Variants in HS6ST3 observed in about 807,000 individuals in gnomAD.
HS6ST3 encodes the protein heparan-sulfate 6-O-sulfotransferase 3.
Under a neutral mutation model 36.7 loss-of-function variants are expected in HS6ST3, and 12 were observed. That is an observed-to-expected ratio of 0.33 (90% CI 0.21 to 0.53). HS6ST3 has a LOEUF of 0.53. Ranked by LOEUF, HS6ST3 falls within the 20% of genes least tolerant of loss-of-function variation. The probability of loss-of-function intolerance (pLI) is 0.95; values close to 1 mark genes in which losing one functional copy is unlikely to be tolerated. For synonymous variants in HS6ST3, 240 were observed against 257.5 expected (o/e 0.93, Z 0.65); for missense variants, 584 against 640.9 (o/e 0.91, Z 0.96).
intron 1 of HS6ST3, among the ~76,000 whole-genome samples, chr13:96,131,031 G>T (rs191701793): frequency 6.6e-6 from 1 of 152,104 alleles, no homozygotes; most frequent in Non-Finnish European, 1.5e-5. Context: ...GAGGGCCAGG[G>T]GGTGTCAGGG....
intron 1 of HS6ST3, among the ~76,000 whole-genome samples, chr13:96,183,901 A>G (rs2054252272): frequency 6.6e-6 from 1 of 152,146 alleles, no homozygotes. Context: ...AATTTTTTAC[A>G]CTTAGAAACG....
chr13:96,351,375 G>T (rs1594760232), intron 1 of HS6ST3, among the ~76,000 whole-genome samples: 2 of 149,564 alleles, frequency 1.3e-5, no homozygotes, highest in East Asian at 2.0e-4. Context: ...AGGCTGGAGT[G>T]CAGTGGCATG....
chr13:96,114,589 C>T (rs1035814070), intron 1 of HS6ST3, among the ~76,000 whole-genome samples: 10 of 152,212 alleles, frequency 6.6e-5, no homozygotes, highest in African/African-American at 1.4e-4. Context: ...TGCTCATCTA[C>T]GAAACAGGGA....
At chr13:96,635,446 C>A (rs762961499) in intron 1 of HS6ST3, among the ~76,000 whole-genome samples, 2 of 152,028 alleles carry the variant, frequency 1.3e-5, no homozygotes, top group Non-Finnish European at 2.9e-5. Context: ...ACCCACCCCC[C>A]TCTTCACTAA....
Position 96,757,749 on chromosome 13 carries a change from T to A in HS6ST3, c.708-74741T>A, listed in dbSNP as rs188481347. Among the ~76,000 whole-genome samples, 536 of 152,282 alleles carry A rather than the reference T, an allele frequency of 3.5e-3. 1 individual carries two copies. The highest frequency in any genetic ancestry group is 8.4e-3 in the African/African-American group (351 of 41,566). ...GCTCATGTAATTTTTCTCCTTTTTT[T>A]AATGAATATAGTGAATTACATTGAT... is the stretch of plus-strand genomic sequence containing the variant. On this transcript the variant is annotated intron_variant, in intron 1 of 1. Coordinates refer to ENST00000376705, the MANE Select transcript of HS6ST3 (RefSeq NM_153456.4).
intron 1 of HS6ST3, among the ~76,000 whole-genome samples, chr13:96,441,080 C>T (rs911519435): frequency 6.6e-6 from 1 of 152,108 alleles, no homozygotes; most frequent in Non-Finnish European, 1.5e-5. Context: ...TCTCCCTCCA[C>T]CATATGCAGA....
chr13:96,481,694 A>G (rs1594789982), intron 1 of HS6ST3, among the ~76,000 whole-genome samples: 1 of 152,146 alleles, frequency 6.6e-6, no homozygotes, highest in African/African-American at 2.4e-5. Flanking sequence ...ACTTTGGGCA[A>G]CTTGCAGCCT....
intron 1 of HS6ST3, among the ~76,000 whole-genome samples, chr13:96,726,570 T>G (rs1876010675): frequency 6.6e-6 from 1 of 152,228 alleles, no homozygotes; most frequent in African/African-American, 2.4e-5. Context: ...TATATAACCT[T>G]ACTAAACTAA....
chr13:96,497,034 G>A (rs1376851188), intron 1 of HS6ST3, among the ~76,000 whole-genome samples: 6 of 152,168 alleles, frequency 3.9e-5, no homozygotes, highest in Non-Finnish European at 8.8e-5. Context: ...TGATATAGCA[G>A]GTGGGACAAG....
At chr13:96,288,312 A>G (rs575800519) in intron 1 of HS6ST3, among the ~76,000 whole-genome samples, 2 of 152,306 alleles carry the variant, frequency 1.3e-5, no homozygotes, top group African/African-American at 4.8e-5. Flanking sequence ...ACAAATTATT[A>G]AAAACTCTTG....
intron 1 of HS6ST3, among the ~76,000 whole-genome samples, chr13:96,139,921 G>C (rs2054022477): frequency 6.6e-6 from 1 of 151,990 alleles, no homozygotes; most frequent in Non-Finnish European, 1.5e-5. Context: ...AAACAACATG[G>C]GTTTGAACTG....
At chr13:96,153,134 C>T (rs1335509797) in intron 1 of HS6ST3, among the ~76,000 whole-genome samples, 4 of 152,132 alleles carry the variant, frequency 2.6e-5, no homozygotes, top group Non-Finnish European at 5.9e-5. Context: ...ACACACACAC[C>T]TACATCTCCA....
chr13:96,360,887 A>G lies in HS6ST3; in HGVS notation c.707+269318A>G, dbSNP rs1018673175. ...ATTGAACTTGGGAGGCGGAGGTTGCAGTAAGCTGAGATCTTGCCACTGTAC... is the reference window on the plus strand; with the variant it reads ...ATTGAACTTGGGAGGCGGAGGTTGCGGTAAGCTGAGATCTTGCCACTGTAC... On this transcript the variant is annotated intron_variant, in intron 1 of 1. Coordinates refer to ENST00000376705, the MANE Select transcript of HS6ST3 (RefSeq NM_153456.4). 7.3e-5 allele frequency among the ~76,000 whole-genome samples: 11 copies of G among 150,960 alleles called. No individual in the cohort carries two copies. The East Asian group carries it at 2.0e-3, about 27-fold the overall frequency.
Position 96,772,439 on chromosome 13 carries a change from A to G in HS6ST3, c.708-60051A>G, listed in dbSNP as rs544942501. On this transcript the variant is annotated intron_variant, in intron 1 of 1. Transcript: ENST00000376705. ...CAGAAGATGGGCCCCAGAATAAAAA[A>G]GCCATGTTTTTGTTGGGCCTTGATT... is the stretch of plus-strand genomic sequence containing the variant. Among the ~76,000 whole-genome samples, 4 of 152,372 alleles carry G rather than the reference A, an allele frequency of 2.6e-5. No homozygotes were observed. In the East Asian group the frequency reaches 7.7e-4, roughly 29 times the overall value.
intron 1 of HS6ST3, among the ~76,000 whole-genome samples, chr13:96,620,298 T>C (rs924781339): frequency 1.3e-5 from 2 of 152,210 alleles, no homozygotes; most frequent in Admixed American, 6.5e-5. Flanking sequence ...GACTGTTTTT[T>C]AAAAATGCTT....
rs1007005649 is a variant in HS6ST3, at chr13:96,754,370, C to G, written c.708-78120C>G. Among the ~76,000 whole-genome samples, 77 of 152,198 alleles carry G rather than the reference C, an allele frequency of 5.1e-4. 1 individual carries two copies. Among genetic ancestry groups the G allele is most frequent in the African/African-American group, 1.8e-3 (76 of 41,526 alleles). On this transcript the variant is annotated intron_variant, in intron 1 of 1. Coordinates refer to ENST00000376705, the MANE Select transcript of HS6ST3 (RefSeq NM_153456.4). ...AAACTAGGTTTGATCATACATAATG[C>G]TATTGTGGTCATATCTCTTTCAAAC... is the stretch of plus-strand genomic sequence containing the variant.
At chr13:96,752,600 C>G (rs1052402776) in intron 1 of HS6ST3, among the ~76,000 whole-genome samples, 1 of 152,066 alleles carries the variant, frequency 6.6e-6, no homozygotes, top group African/African-American at 2.4e-5. Context: ...TAATATCCCA[C>G]TATGTGAAAG....
intron 1 of HS6ST3, among the ~76,000 whole-genome samples, chr13:96,118,643 A>AATATATATAT (rs2053905043): frequency 2.9e-5 from 2 of 67,984 alleles, no homozygotes; most frequent in African/African-American, 6.1e-5. Flanking sequence ...AAGAACATTA[A>AATATATATAT]AGATATATAT....
chr13:96,417,680 A>G (rs1331361902), intron 1 of HS6ST3, among the ~76,000 whole-genome samples: 2 of 150,086 alleles, frequency 1.3e-5, no homozygotes, highest in Non-Finnish European at 3.0e-5. Context: ...ATTTAACTAT[A>G]TATACATATA....
Sources: allele counts gnomAD v4.1 joint callset (sites outside exome capture counted in the v4.1 genomes callset), GRCh38; gene constraint gnomAD v4.1.1; transcripts MANE v1.5; gene names NCBI Gene and HGNC (gene_info 2026-07-23, HGNC 2026-07-21).